The following CSMD1 variants were observed in gnomAD, a reference collection of about 807,000 sequenced individuals.
CSMD1 encodes CUB and sushi domain-containing protein 1.
A neutral mutation model predicts 417.5 loss-of-function variants in CSMD1; 213 were observed. The observed-to-expected ratio is 0.51, with a 90% CI of 0.46 to 0.57. The LOEUF is 0.57. Ranked by LOEUF, CSMD1 falls within the 20% of genes least tolerant of loss-of-function variation. The probability of loss-of-function intolerance (pLI) is 0.00; values close to 1 mark genes in which losing one functional copy is unlikely to be tolerated. For synonymous variants in CSMD1, 2,862 were observed against 1,736.8 expected, an observed-to-expected ratio of 1.65 and a Z score of -16.11; for missense variants, 6,923 against 4,529.7, an observed-to-expected ratio of 1.53 and a Z score of -15.17.
At chr8:4,630,330 C>T (rs1041753276) in intron 2 of CSMD1, among the ~76,000 whole-genome samples, 1 of 151,384 alleles carries the variant, frequency 6.6e-6, no homozygotes, top group African/African-American at 2.4e-5. Flanking sequence ...TCAACTAAGG[C>T]TGCATAATAA....
At chr8:3,197,679 T>C (rs567064766) in intron 33 of CSMD1, among the ~76,000 whole-genome samples, 2 of 152,056 alleles carry the variant, frequency 1.3e-5, no homozygotes, top group African/African-American at 2.4e-5. Context: ...TTAGCCAGGA[T>C]GGTCTCGATC....
intron 11 of CSMD1, among the ~76,000 whole-genome samples, chr8:3,488,192 T>C (rs780558623): frequency 6.6e-6 from 1 of 152,040 alleles, no homozygotes; most frequent in East Asian, 1.9e-4. Flanking sequence ...AGCCTTGATC[T>C]CCTGGGCACA....
At chr8:4,311,992 T>C (rs1456228616) in intron 3 of CSMD1, among the ~76,000 whole-genome samples, 2 of 152,096 alleles carry the variant, frequency 1.3e-5, no homozygotes, top group Non-Finnish European at 2.9e-5. Context: ...TTATTCAGCA[T>C]ATAAAAAAGA....
chr8:4,625,620 T>C (rs779931375), intron 2 of CSMD1, among the ~76,000 whole-genome samples: 2 of 152,028 alleles, frequency 1.3e-5, no homozygotes, highest in Non-Finnish European at 2.9e-5. Context: ...ATCCCGTGCA[T>C]TTACATTTTA....
At chr8:3,407,871 G>T (rs372095401) in intron 14 of CSMD1, 28 bp downstream of exon 14, 34 of 1,555,006 alleles carry the variant, frequency 2.2e-5, no homozygotes, top group Non-Finnish European at 3.0e-5. Context: ...TGAGAACTTG[G>T]ATGTGTTGAC....
chr8:4,383,000 A>G (rs908662449), intron 3 of CSMD1, among the ~76,000 whole-genome samples: 32 of 152,220 alleles, frequency 2.1e-4, no homozygotes, highest in African/African-American at 7.0e-4. Flanking sequence ...TCGTCTGTAT[A>G]TCAGCGCCTT....
At chr8:4,914,428 A>G (rs1054410861) in intron 1 of CSMD1, among the ~76,000 whole-genome samples, 1 of 151,850 alleles carries the variant, frequency 6.6e-6, no homozygotes, top group Non-Finnish European at 1.5e-5. Context: ...ATACAAAAAA[A>G]TTAACCGGGT....
chr8:4,994,294 C>T (rs764022899), intron 1 of CSMD1, 38 bp downstream of exon 1: 3 of 1,589,400 alleles, frequency 1.9e-6, no homozygotes, highest in Non-Finnish European at 2.6e-6. Context: ...CCTCCGAGGG[C>T]TCTACCGCCT....
At chr8:4,381,734 G>A (rs181152362) in intron 3 of CSMD1, among the ~76,000 whole-genome samples, 21 of 152,232 alleles carry the variant, frequency 1.4e-4, no homozygotes, top group African/African-American at 5.1e-4. Context: ...ATGGACTTTA[G>A]GCTTCGATGC....
At chr8:4,030,887 C>T (rs754267075) in intron 4 of CSMD1, among the ~76,000 whole-genome samples, 4 of 152,192 alleles carry the variant, frequency 2.6e-5, no homozygotes, top group African/African-American at 9.6e-5. Context: ...TCATCTCTCT[C>T]AAGTTCAAAG....
At chr8:4,401,040 T>C (rs1804612615) in intron 3 of CSMD1, among the ~76,000 whole-genome samples, 1 of 152,192 alleles carries the variant, frequency 6.6e-6, no homozygotes, top group East Asian at 1.9e-4. Context: ...TAATATACGC[T>C]GAGCATGCAA....
chr8:4,207,455 A>G (rs2131274802), intron 3 of CSMD1, among the ~76,000 whole-genome samples: 1 of 152,178 alleles, frequency 6.6e-6, no homozygotes, highest in East Asian at 1.9e-4. Context: ...TAATTGAACC[A>G]TATCTAAAAT....
At chr8:4,381,092 T>C (rs1418103355) in intron 3 of CSMD1, among the ~76,000 whole-genome samples, 3 of 152,138 alleles carry the variant, frequency 2.0e-5, no homozygotes, top group Non-Finnish European at 1.5e-5. Context: ...GTAATTGTGG[T>C]TTTAGCCATT....
intron 7 of CSMD1, among the ~76,000 whole-genome samples, chr8:3,635,048 TAA>T (rs58803215): frequency 1.4e-5 from 2 of 145,888 alleles, no homozygotes; most frequent in African/African-American, 5.0e-5. Context: ...TGTTTAATGA[TAA>T]AAAAAAAAAT....
chr8:3,335,137 A>G (rs1807170858), intron 23 of CSMD1, among the ~76,000 whole-genome samples: 1 of 152,136 alleles, frequency 6.6e-6, no homozygotes. Context: ...GTGGTTGGAC[A>G]TCCTACACCA....
intron 5 of CSMD1, among the ~76,000 whole-genome samples, chr8:3,968,354 A>C (rs1257109631): frequency 6.6e-6 from 1 of 152,180 alleles, no homozygotes; most frequent in Admixed American, 6.5e-5. Context: ...TGATCCTACA[A>C]GAATCCAACC....
chr8:3,730,816 A>G (rs1169534327), intron 6 of CSMD1, among the ~76,000 whole-genome samples: 4 of 152,204 alleles, frequency 2.6e-5, no homozygotes, highest in African/African-American at 7.2e-5. Flanking sequence ...TTCAAAAACA[A>G]CCCCATTCAT....
At chr8:4,615,082 A>T (rs1164626710) in intron 2 of CSMD1, among the ~76,000 whole-genome samples, 1 of 152,200 alleles carries the variant, frequency 6.6e-6, no homozygotes, top group Non-Finnish European at 1.5e-5. Flanking sequence ...CTACAAACTG[A>T]TATAATCTAT....
rs188857872 is a variant in CSMD1, at chr8:4,410,210, G to T, written c.415+9743C>A. On this transcript the variant is annotated intron_variant, in intron 3 of 69. Coordinates refer to ENST00000635120, the MANE Select transcript of CSMD1 (RefSeq NM_033225.6). ...TCTATACCAGATACTGAACCAAACA[G>T]TTTAGGTAACTAATTCTGTAAGCCT... Among the ~76,000 whole-genome samples, 483 of 152,306 alleles carry T rather than the reference G, an allele frequency of 3.2e-3. 5 individuals are homozygous for T. The highest frequency in any genetic ancestry group is 0.011 in the African/African-American group (442 of 41,568).
Sources: allele counts gnomAD v4.1 joint callset (sites outside exome capture counted in the v4.1 genomes callset), GRCh38; gene constraint gnomAD v4.1.1; transcripts MANE v1.5; gene names NCBI Gene and HGNC (gene_info 2026-07-23, HGNC 2026-07-21).